Variants in COL8A1 observed in about 807,000 individuals in gnomAD.
The protein encoded by COL8A1 is collagen type VIII alpha 1 chain, also known as collagen alpha-1(VIII) chain.
In COL8A1, 21 loss-of-function variants were observed where a neutral mutation model predicts 42.7. That is an observed-to-expected ratio of 0.49 (90% CI 0.35 to 0.71). The LOEUF is 0.71. Among genes scored for constraint, COL8A1 ranks in the 30% least tolerant of loss-of-function variants. The pLI is 0.01. For synonymous variants in COL8A1, 367 were observed against 369.1 expected, an observed-to-expected ratio of 0.99 and a Z score of 0.06; for missense variants, 788 against 962.4, an observed-to-expected ratio of 0.82 and a Z score of 2.40.
At chr3:99,735,792 T>G (rs1288932481) in intron 1 of COL8A1, among the ~76,000 whole-genome samples, 2 of 152,154 alleles carry the variant, frequency 1.3e-5, no homozygotes, top group African/African-American at 2.4e-5. Flanking sequence ...GGACTCTTTT[T>G]GCTTGGTAAG....
At chr3:99,720,466 AT>A (rs1365679487) in intron 1 of COL8A1, among the ~76,000 whole-genome samples, 1 of 152,120 alleles carries the variant, frequency 6.6e-6, no homozygotes, top group Non-Finnish European at 1.5e-5. Context: ...ATATATTACC[AT>A]GGGTAACTTC....
intron 1 of COL8A1, among the ~76,000 whole-genome samples, chr3:99,689,615 A>G (rs1360952663): frequency 6.6e-6 from 1 of 152,208 alleles, no homozygotes; most frequent in Non-Finnish European, 1.5e-5. Context: ...ACTTTTTTAA[A>G]CATAGATACT....
intron 1 of COL8A1, among the ~76,000 whole-genome samples, chr3:99,704,240 T>C (rs980340496): frequency 3.3e-5 from 5 of 152,102 alleles, no homozygotes; most frequent in African/African-American, 1.2e-4. Flanking sequence ...AAAAATTGAA[T>C]GAATAGAATG....
rs562631971 is a variant in COL8A1 at position 99,798,336 on chromosome 3, T to C, written c.*2200T>C. On this transcript the variant is annotated 3_prime_UTR_variant, in exon 4 of 4. Transcript: ENST00000652472. ...AGCAGACAGCATCTATGTGGCCAAA[T>C]ATACTTTGGGTTGTTCTTGAGGATA... The C allele has an allele frequency of 2.6e-5, 4 of 152,308 alleles. No homozygotes were observed. Among genetic ancestry groups the C allele is most frequent in the East Asian group, 3.9e-4 (2 of 5,194 alleles). The allele number at this position is 152,308 out of a possible 1,614,324, so 9.4% of individuals were successfully genotyped here.
At chr3:99,641,932 T>C (rs995312437) in intron 1 of COL8A1, among the ~76,000 whole-genome samples, 1 of 152,152 alleles carries the variant, frequency 6.6e-6, no homozygotes, top group African/African-American at 2.4e-5. Flanking sequence ...TGAATGCCCT[T>C]TGGAATTTAG....
chr3:99,713,924 T>G (rs1939917375), intron 1 of COL8A1, among the ~76,000 whole-genome samples: 1 of 152,140 alleles, frequency 6.6e-6, no homozygotes, highest in Non-Finnish European at 1.5e-5. Flanking sequence ...TCTGGTTTCC[T>G]ATATAAAAAC....
At chr3:99,732,895 T>G (rs1042836408) in intron 1 of COL8A1, among the ~76,000 whole-genome samples, 1 of 151,986 alleles carries the variant, frequency 6.6e-6, no homozygotes, top group Non-Finnish European at 1.5e-5. Context: ...ATTGGGAAAA[T>G]ACACCCTTTC....
chr3:99,661,252 TCAA>T (rs1478182634), intron 1 of COL8A1, among the ~76,000 whole-genome samples: 2 of 151,926 alleles, frequency 1.3e-5, no homozygotes, highest in Admixed American at 6.6e-5. Context: ...CTCCTACAAC[TCAA>T]CAACAACAAC....
intron 2 of COL8A1, among the ~76,000 whole-genome samples, chr3:99,764,565 G>A (rs971696377): frequency 6.6e-6 from 1 of 152,070 alleles, no homozygotes; most frequent in Non-Finnish European, 1.5e-5. Context: ...TCAAATTCCA[G>A]TCCTGTTACT....
At chr3:99,727,036 T>A (rs1207440689) in intron 1 of COL8A1, among the ~76,000 whole-genome samples, 1 of 152,180 alleles carries the variant, frequency 6.6e-6, no homozygotes, top group Non-Finnish European at 1.5e-5. Flanking sequence ...TGATTCTTCC[T>A]ACCCATGAGC....
chr3:99,667,341 G>A (rs1454741293), intron 1 of COL8A1, among the ~76,000 whole-genome samples: 6 of 152,136 alleles, frequency 3.9e-5, no homozygotes, highest in Admixed American at 2.0e-4. Context: ...CAACACTTTT[G>A]TGTTGTGAGT....
intron 2 of COL8A1, among the ~76,000 whole-genome samples, chr3:99,755,821 AAAG>A (rs999002352): frequency 5.9e-5 from 9 of 152,234 alleles, no homozygotes; most frequent in Non-Finnish European, 7.3e-5. Flanking sequence ...AGATGGTGTC[AAAG>A]AAGAGAGCGG....
At chr3:99,776,920 T>C (rs1426718234) in intron 2 of COL8A1, among the ~76,000 whole-genome samples, 1 of 152,086 alleles carries the variant, frequency 6.6e-6, no homozygotes, top group Non-Finnish European at 1.5e-5. Flanking sequence ...CTCGTGGGAG[T>C]GTCCTTTATC....
intron 1 of COL8A1, among the ~76,000 whole-genome samples, chr3:99,714,019 A>G (rs1939920820): frequency 6.6e-6 from 1 of 152,082 alleles, no homozygotes; most frequent in African/African-American, 2.4e-5. Context: ...CTTAAAAATC[A>G]AGGCAAATGA....
intron 1 of COL8A1, among the ~76,000 whole-genome samples, chr3:99,675,070 C>T (rs1369382185): frequency 1.3e-5 from 2 of 151,826 alleles, no homozygotes; most frequent in African/African-American, 4.8e-5. Flanking sequence ...AGAGATAAGC[C>T]CTCTGGTTTG....
At chr3:99,743,118 G>T (rs1940940268) in intron 1 of COL8A1, among the ~76,000 whole-genome samples, 1 of 152,078 alleles carries the variant, frequency 6.6e-6, no homozygotes, top group Non-Finnish European at 1.5e-5. Flanking sequence ...AATCTGGAGA[G>T]TTTTTTTCAT....
At chr3:99,655,117 C>T (rs1937976674) in intron 1 of COL8A1, among the ~76,000 whole-genome samples, 1 of 152,076 alleles carries the variant, frequency 6.6e-6, no homozygotes, top group African/African-American at 2.4e-5. Context: ...ATGTGAAAAC[C>T]CCTTTCTTCC....
At chr3:99,687,426 A>ATG (rs1939095478) in intron 1 of COL8A1, among the ~76,000 whole-genome samples, 1 of 151,816 alleles carries the variant, frequency 6.6e-6, no homozygotes, top group African/African-American at 2.4e-5. Flanking sequence ...TTATCTGTTC[A>ATG]CGTGTGTGTG....
At position 99,765,610 on chromosome 3, in the gene COL8A1, T is replaced by C. The variant is rs940103139; in HGVS notation, c.-4+20589T>C. Among the ~76,000 whole-genome samples, 5 of 152,214 alleles carry C rather than the reference T, an allele frequency of 3.3e-5. No homozygotes were observed. The South Asian group carries it at 1.0e-3, about 32-fold the overall frequency. ...TTCTTCAATGTAAAGCTTGGAACAC[T>C]TCTTATTCTACATCTAGTTCTAGTT... is the stretch of plus-strand genomic sequence containing the variant. On this transcript the variant is annotated intron_variant, in intron 2 of 3. Coordinates refer to ENST00000652472, the MANE Select transcript of COL8A1 (RefSeq NM_020351.4).
Sources: gnomAD v4.1 joint callset for allele counts (sites outside exome capture counted in the v4.1 genomes callset) on GRCh38, gnomAD v4.1.1 for gene constraint, MANE v1.5 for transcripts, NCBI Gene and HGNC (gene_info 2026-07-23, HGNC 2026-07-21) for gene names.